Variants in PARD3 observed in about 807,000 individuals in gnomAD.
PARD3 encodes the protein partitioning defective 3 homolog.
In PARD3, 75 loss-of-function variants were observed where a neutral mutation model predicts 155.4. The observed-to-expected ratio is 0.48, with a 90% CI of 0.40 to 0.58. The LOEUF (loss-of-function observed/expected upper bound fraction) is 0.58. Ranked by LOEUF, PARD3 falls within the 20% of genes least tolerant of loss-of-function variation. The probability of loss-of-function intolerance (pLI) is 0.00; values close to 1 mark genes in which losing one functional copy is unlikely to be tolerated. For missense variants in PARD3, 1,642 were observed against 1,721.7 expected (o/e 0.95, Z 0.82); for synonymous variants, 576 against 610.5 (o/e 0.94, Z 0.83).
chr10:34,112,316 CAG>C (rs1252011908), intron 24 of PARD3, among the ~76,000 whole-genome samples: 1 of 152,214 alleles, frequency 6.6e-6, no homozygotes, highest in Non-Finnish European at 1.5e-5. Flanking sequence ...GCAAGTAAAT[CAG>C]AGTCACATGG....
At chr10:34,636,984 T>C (rs989804998) in intron 2 of PARD3, among the ~76,000 whole-genome samples, 4 of 152,222 alleles carry the variant, frequency 2.6e-5, no homozygotes, top group Non-Finnish European at 4.4e-5. Flanking sequence ...GAATAAGGCA[T>C]GAACTTAAAA....
rs909379541 is a variant in PARD3, at chr10:34,131,392, T to A, written c.3540+71A>T. On this transcript the variant is annotated intron_variant, in intron 23 of 24. Transcript: ENST00000374788. ...TGTCTCGTTTCATAGAGCATTGAGG[T>A]CATAGCTTAGTGGCCTTTGCTGCAG... 9.6e-6 allele frequency: 15 copies of A among 1,569,174 alleles called. No homozygotes were observed. The African/African-American group carries it at 1.4e-4, about 14-fold the overall frequency.
At chr10:34,218,157 C>G (rs1351303127) in intron 22 of PARD3, among the ~76,000 whole-genome samples, 1 of 152,136 alleles carries the variant, frequency 6.6e-6, no homozygotes, top group African/African-American at 2.4e-5. Context: ...CCTTCAGATG[C>G]TTGTAGTTTC....
intron 1 of PARD3, among the ~76,000 whole-genome samples, chr10:34,782,804 G>A (rs941180269): frequency 2.7e-5 from 4 of 150,424 alleles, no homozygotes; most frequent in African/African-American, 9.8e-5. Context: ...TTGGCTCACT[G>A]CAGCCTCTGC....
At chr10:34,196,564 TTTTC>T (rs1564472898) in intron 22 of PARD3, among the ~76,000 whole-genome samples, 1 of 147,054 alleles carries the variant, frequency 6.8e-6, no homozygotes, top group Non-Finnish European at 1.5e-5. Flanking sequence ...CTTTGTACCC[TTTTC>T]TTTTTTTTTT....
rs111357728 is a variant in PARD3 at position 34,620,233 on chromosome 10, G to A, written c.222+76085C>T. Among the ~76,000 whole-genome samples, 938 of 152,154 alleles carry A rather than the reference G, an allele frequency of 6.2e-3. 12 individuals carry two copies. Among genetic ancestry groups the A allele is most frequent in the African/African-American group, 0.022 (914 of 41,508 alleles). On this transcript the variant is annotated intron_variant, in intron 2 of 24. Coordinates refer to ENST00000374788, the MANE Select transcript of PARD3 (RefSeq NM_001184785.2). Reference sequence around the variant, plus strand: ...TTCAGAAGACATCACCCACCTCCCTGACAACCAAGATATGACTCCTACTCC... The same window carrying A: ...TTCAGAAGACATCACCCACCTCCCTAACAACCAAGATATGACTCCTACTCC...
intron 20 of PARD3, among the ~76,000 whole-genome samples, chr10:34,292,355 C>T (rs987016987): frequency 6.6e-6 from 1 of 152,154 alleles, no homozygotes. Flanking sequence ...TTTAAGAAAT[C>T]GCTACCATGA....
At chr10:34,718,353 G>T (rs957211275) in intron 1 of PARD3, among the ~76,000 whole-genome samples, 9 of 151,946 alleles carry the variant, frequency 5.9e-5, no homozygotes, top group Non-Finnish European at 8.8e-5. Context: ...GGACAAAGGT[G>T]AGGAGGTCAA....
chr10:34,631,424 T>C (rs955242709), intron 2 of PARD3, among the ~76,000 whole-genome samples: 1 of 152,110 alleles, frequency 6.6e-6, no homozygotes, highest in Non-Finnish European at 1.5e-5. Flanking sequence ...GAGGGGGCAG[T>C]GATTAAGAGG....
intron 2 of PARD3, among the ~76,000 whole-genome samples, chr10:34,570,740 C>G (rs1255974102): frequency 1.3e-5 from 2 of 152,162 alleles, no homozygotes; most frequent in Non-Finnish European, 2.9e-5. Context: ...CACAAACACA[C>G]TGTCAGACAG....
intron 2 of PARD3, among the ~76,000 whole-genome samples, chr10:34,640,572 T>C (rs2092638055): frequency 6.6e-6 from 1 of 151,550 alleles, no homozygotes; most frequent in East Asian, 1.9e-4. Context: ...TAGCTGGGCA[T>C]GGTGGCATGC....
intron 15 of PARD3, chr10:34,346,407 T>C: frequency 7.4e-7 from 1 of 1,343,426 alleles, no homozygotes; most frequent in South Asian, 1.2e-5. Flanking sequence ...TTACAGGAAC[T>C]GGTGGACCAA....
intron 2 of PARD3, among the ~76,000 whole-genome samples, chr10:34,610,892 T>C (rs1382063135): frequency 6.6e-6 from 1 of 152,048 alleles, no homozygotes; most frequent in African/African-American, 2.4e-5. Flanking sequence ...TGGTGTGTGG[T>C]GATGGGGAGA....
At chr10:34,190,124 G>C (rs1276683690) in intron 22 of PARD3, among the ~76,000 whole-genome samples, 3 of 152,180 alleles carry the variant, frequency 2.0e-5, no homozygotes, top group Non-Finnish European at 4.4e-5. Context: ...TAAGGTAGCT[G>C]TAAGAAAAGT....
At chr10:34,467,832 G>T (rs2078107473) in intron 4 of PARD3, among the ~76,000 whole-genome samples, 1 of 152,178 alleles carries the variant, frequency 6.6e-6, no homozygotes, top group Non-Finnish European at 1.5e-5. Context: ...GAGTCTCAGT[G>T]CTCTCCTAAC....
chr10:34,730,430 A>C (rs11009895), intron 1 of PARD3, among the ~76,000 whole-genome samples: 75 of 152,308 alleles, frequency 4.9e-4, no homozygotes, highest in Middle Eastern at 3.4e-3. Context: ...ACTTTTTAAC[A>C]ATAATATAGA....
chr10:34,327,343 C>A (rs1208305997), intron 19 of PARD3, among the ~76,000 whole-genome samples: 1 of 152,156 alleles, frequency 6.6e-6, no homozygotes, highest in African/African-American at 2.4e-5. Context: ...CTGGCTTCTG[C>A]CATCTCCACA....
At chr10:34,197,663 T>C (rs1490626853) in intron 22 of PARD3, among the ~76,000 whole-genome samples, 4 of 152,224 alleles carry the variant, frequency 2.6e-5, no homozygotes, top group African/African-American at 7.2e-5. Flanking sequence ...AGGTAACTAG[T>C]TCTTCGTTTG....
chr10:34,671,016 G>A (rs1206661573), intron 2 of PARD3, among the ~76,000 whole-genome samples: 2 of 152,206 alleles, frequency 1.3e-5, no homozygotes, highest in Non-Finnish European at 2.9e-5. Context: ...ATCGGACAGA[G>A]GCAGATGAGG....
Sources: gnomAD v4.1 joint callset for allele counts (sites outside exome capture counted in the v4.1 genomes callset) on GRCh38, gnomAD v4.1.1 for gene constraint, MANE v1.5 for transcripts, NCBI Gene and HGNC (gene_info 2026-07-23, HGNC 2026-07-21) for gene names.